The following ARMC2 variants were observed in gnomAD, a reference collection of about 807,000 sequenced individuals.
ARMC2 encodes the protein armadillo repeat-containing protein 2.
In ARMC2, 67 loss-of-function variants were observed where a neutral mutation model predicts 90.3. The observed-to-expected ratio is 0.74, with a 90% CI of 0.61 to 0.91. The LOEUF (loss-of-function observed/expected upper bound fraction) is 0.91. ARMC2 is among the 40% of genes least tolerant of loss of function. The pLI is 0.00. For synonymous variants in ARMC2, 393 were observed against 393.0 expected, an observed-to-expected ratio of 1.00 and a Z score of 0.00; for missense variants, 920 against 1,030.9, an observed-to-expected ratio of 0.89 and a Z score of 1.47.
At chr6:108,862,887 C>T (rs940101040) in intron 3 of ARMC2, among the ~76,000 whole-genome samples, 1 of 152,218 alleles carries the variant, frequency 6.6e-6, no homozygotes, top group South Asian at 2.1e-4. Context: ...CCTTTCAGCT[C>T]CTACATTGAG....
chr6:109,042,238 T>C, the ARMC2 span, among the ~76,000 whole-genome samples: 1 of 151,828 alleles, frequency 6.6e-6, no homozygotes, highest in Non-Finnish European at 1.5e-5. Context: ...ACACTACATA[T>C]ATACATTAAA....
At position 108,863,975 on chromosome 6, in the gene ARMC2, A is replaced by G. The variant is rs140289283; in HGVS notation, c.292-4849A>G. Among the ~76,000 whole-genome samples the G allele has an allele frequency of 4.1e-3, 631 of 152,358 alleles. 7 individuals are homozygous for G. The highest frequency in any genetic ancestry group is 0.014 in the African/African-American group (600 of 41,568). On this transcript the variant is annotated intron_variant, in intron 3 of 17. Coordinates refer to ENST00000392644, the MANE Select transcript of ARMC2 (RefSeq NM_032131.6). ...CATAACTGAGCTCCAGGTAATTGAT[A>G]AGTGAAACAAAATTTAATATTTTTA...
At chr6:108,993,086 C>G in the ARMC2 span, 1 of 523,822 alleles carries the variant, frequency 1.9e-6, no homozygotes, top group Non-Finnish European at 3.3e-6. Context: ...AGGAGATTTT[C>G]TGTTATAAAA....
chr6:109,011,029 G>T, the ARMC2 span, among the ~76,000 whole-genome samples: 1 of 152,206 alleles, frequency 6.6e-6, no homozygotes, highest in East Asian at 1.9e-4. Context: ...GATGACTCTG[G>T]TTCTAGAAGA....
chr6:108,963,180 A>G (rs1206785768), intron 15 of ARMC2, among the ~76,000 whole-genome samples: 1 of 152,208 alleles, frequency 6.6e-6, no homozygotes, highest in Non-Finnish European at 1.5e-5. Context: ...CTGAGTGGCA[A>G]GTACCCACAT....
At chr6:109,024,656 C>T in the ARMC2 span, among the ~76,000 whole-genome samples, 1 of 152,142 alleles carries the variant, frequency 6.6e-6, no homozygotes, top group Non-Finnish European at 1.5e-5. Context: ...ATAGTCTAGC[C>T]TAGACTACCA....
chr6:108,993,430 G>A, the ARMC2 span, among the ~76,000 whole-genome samples: 2 of 152,094 alleles, frequency 1.3e-5, no homozygotes, highest in Non-Finnish European at 2.9e-5. Context: ...TTTCATGTAA[G>A]TGTATCATTA....
At chr6:109,015,353 G>A in the ARMC2 span, among the ~76,000 whole-genome samples, 1 of 152,154 alleles carries the variant, frequency 6.6e-6, no homozygotes, top group Non-Finnish European at 1.5e-5. Flanking sequence ...CAGCTATACA[G>A]GGTCTGACAA....
intron 15 of ARMC2, among the ~76,000 whole-genome samples, chr6:108,963,527 C>T (rs962198560): frequency 1.3e-5 from 2 of 152,204 alleles, no homozygotes; most frequent in African/African-American, 4.8e-5. Context: ...GGTGCACGTA[C>T]TGTGGGAGGA....
At chr6:109,014,908 C>T in the ARMC2 span, among the ~76,000 whole-genome samples, 24 of 152,250 alleles carry the variant, frequency 1.6e-4, no homozygotes, top group African/African-American at 5.5e-4. Flanking sequence ...TTACTGATAC[C>T]TCCTATTTAT....
chr6:108,954,804 T>G (rs1336051162), intron 13 of ARMC2, among the ~76,000 whole-genome samples: 2 of 152,204 alleles, frequency 1.3e-5, no homozygotes, highest in African/African-American at 4.8e-5. Flanking sequence ...ACCAGTTCTG[T>G]GCTATACATT....
intron 5 of ARMC2, among the ~76,000 whole-genome samples, chr6:108,884,760 AG>A (rs1280966934): frequency 4.6e-5 from 7 of 152,160 alleles, no homozygotes; most frequent in Non-Finnish European, 1.0e-4. Flanking sequence ...TGCACCACTG[AG>A]AGGTGACTTT....
At chr6:109,026,785 G>A in the ARMC2 span, among the ~76,000 whole-genome samples, 3 of 152,186 alleles carry the variant, frequency 2.0e-5, no homozygotes, top group East Asian at 1.9e-4. Flanking sequence ...TTGCAGGCGT[G>A]AGCCACTGCG....
At chr6:108,967,906 C>T (rs1481236368) in intron 17 of ARMC2, among the ~76,000 whole-genome samples, 3 of 152,186 alleles carry the variant, frequency 2.0e-5, no homozygotes, top group South Asian at 2.1e-4. Context: ...CCATCCCAAT[C>T]TGCCTAGCCA....
chr6:109,014,777 C>T, the ARMC2 span, among the ~76,000 whole-genome samples: 1 of 152,178 alleles, frequency 6.6e-6, no homozygotes, highest in African/African-American at 2.4e-5. Flanking sequence ...CTGTTCACTA[C>T]ATATCTCATC....
chr6:108,862,363 A>AAAAAAAAAC (rs1562325611), intron 3 of ARMC2, among the ~76,000 whole-genome samples: 4 of 149,320 alleles, frequency 2.7e-5, no homozygotes, highest in African/African-American at 1.0e-4. Context: ...AAAAAACAAA[A>AAAAAAAAAC]AAAACAAACA....
At chr6:108,961,736 G>T in intron 14 of ARMC2, 42 bp downstream of exon 14, 1 of 1,537,752 alleles carries the variant, frequency 6.5e-7, no homozygotes, top group South Asian at 1.2e-5. Flanking sequence ...GTGCTCATTT[G>T]AAGTTTCGAT....
At chr6:108,956,982 ACT>A (rs1414955166) in intron 13 of ARMC2, among the ~76,000 whole-genome samples, 2 of 151,976 alleles carry the variant, frequency 1.3e-5, no homozygotes, top group East Asian at 1.9e-4. Context: ...ACAGAGTGAG[ACT>A]CTCTCTCTAA....
intron 1 of ARMC2, among the ~76,000 whole-genome samples, chr6:108,852,620 T>G (rs1774123801): frequency 6.6e-6 from 1 of 152,154 alleles, no homozygotes; most frequent in Non-Finnish European, 1.5e-5. Flanking sequence ...GAACCTTAGG[T>G]CAGGAGTGAG....
Sources: gnomAD v4.1 joint callset for allele counts (sites outside exome capture counted in the v4.1 genomes callset) on GRCh38, gnomAD v4.1.1 for gene constraint, MANE v1.5 for transcripts, NCBI Gene and HGNC (gene_info 2026-07-23, HGNC 2026-07-21) for gene names.